The following NLRP1 variants were observed in gnomAD, a reference collection of about 807,000 sequenced individuals.
NLRP1 encodes NACHT, LRR and PYD domains-containing protein 1.
In NLRP1, 94 loss-of-function variants were observed where a neutral mutation model predicts 136.7. That is an observed-to-expected ratio of 0.69 (90% CI 0.58 to 0.82). NLRP1 has a LOEUF of 0.82. Ranked by LOEUF, NLRP1 falls within the 40% of genes least tolerant of loss-of-function variation. The probability of loss-of-function intolerance (pLI) is 0.00; values close to 1 mark genes in which losing one functional copy is unlikely to be tolerated. For synonymous variants in NLRP1, 690 were observed against 725.1 expected, an observed-to-expected ratio of 0.95 and a Z score of 0.78; for missense variants, 1,575 against 1,802.7, an observed-to-expected ratio of 0.87 and a Z score of 2.29.
At chr17:5,571,370 G>C (rs1020993123) in intron 3 of NLRP1, among the ~76,000 whole-genome samples, 31 of 152,304 alleles carry the variant, frequency 2.0e-4, no homozygotes, top group Admixed American at 1.7e-3. Flanking sequence ...CCTAGTCTCT[G>C]TCCCAAATCT....
In NLRP1 at chr17:5,560,031, CTT is replaced by C; in HGVS notation, c.663_664del (p.Lys226IlefsTer46). ...GCCTTTCTCTGATTTCTCTCTCTCT[CTT>C]TCTCTGATTTCTAAGTAAGGGAGGG... On this transcript the variant is annotated frameshift_variant, in exon 4 of 17. Coordinates refer to ENST00000572272, the MANE Select transcript of NLRP1 (RefSeq NM_033004.4). LOFTEE classifies it high-confidence loss of function. 1.9e-6 allele frequency: 3 copies of C among 1,557,708 alleles called. No individual in the cohort carries two copies. Among genetic ancestry groups the C allele is most frequent in the Non-Finnish European group, 2.6e-6 (3 of 1,156,124 alleles).
At chr17:5,569,576 G>A (rs115324739) in intron 3 of NLRP1, among the ~76,000 whole-genome samples, 2,702 of 152,212 alleles carry the variant, frequency 0.018, 75 homozygotes, top group African/African-American at 0.062. Context: ...AGACTTAACT[G>A]TCAGGAATAT....
In NLRP1 at chr17:5,537,014, TG is replaced by T; in HGVS notation, c.2871-75del. ...CCCAGGTCCCCAGGGCCCAGAATCC[TG>T]GGACCTGTCACCTTCTGAGGCAGCG... On this transcript the variant is annotated intron_variant, in intron 7 of 16. Transcript: ENST00000572272. The surrounding 1 kb of genome is among the most constrained non-coding windows in gnomAD (Gnocchi z 4.5). 3 of 1,077,626 alleles carry T rather than the reference TG, an allele frequency of 2.8e-6. No homozygotes were observed. Among genetic ancestry groups the T allele is most frequent in the Non-Finnish European group, 4.3e-6 (3 of 697,680 alleles). 66.8% of individuals were successfully genotyped at this position (1,077,626 alleles called of 1,614,324 possible).
chr17:5,521,483 T>C, intron 13 of NLRP1, 41 bp downstream of exon 13: 4 of 1,593,452 alleles, frequency 2.5e-6, no homozygotes, highest in Non-Finnish European at 3.4e-6. Flanking sequence ...GTGTTTACCG[T>C]CAACCCACCG....
rs200978321 is a variant in NLRP1, at chr17:5,582,746, C to G, written c.372G>C (p.Leu124Phe). ...CTGAGCCCTGGGTGCACCCCGCCGG[C>G]AATTCATGGATCCAGGGCATTAGCA... ...TAVLMPWIHE[L>F]PAGCTQGSER... The change falls in exon 2 of 17, where the codon TTG becomes TTC. Residue 124 changes from leucine to phenylalanine, a missense_variant. By Grantham distance (22) the Leu-to-Phe change is conservative. Coordinates refer to ENST00000572272, the MANE Select transcript of NLRP1 (RefSeq NM_033004.4). 28 of 1,614,022 alleles carry G rather than the reference C, an allele frequency of 1.7e-5. No individual in the cohort carries two copies. In the Admixed American group the frequency reaches 3.5e-4, roughly 20 times the overall value.
At chr17:5,568,979 C>A (rs940916936) in intron 3 of NLRP1, among the ~76,000 whole-genome samples, 1 of 152,074 alleles carries the variant, frequency 6.6e-6, no homozygotes, top group African/African-American at 2.4e-5. Flanking sequence ...TGGCCACCTA[C>A]CACTATGACT....
intron 15 of NLRP1, chr17:5,501,980 C>CA: frequency 2.1e-6 from 2 of 959,496 alleles, no homozygotes; most frequent in South Asian, 2.7e-5. Flanking sequence ...AAACTGCCAT[C>CA]AGAGAACTCC....
intron 4 of NLRP1, among the ~76,000 whole-genome samples, chr17:5,554,441 C>G (rs1043070270): frequency 2.6e-5 from 4 of 152,154 alleles, no homozygotes; most frequent in African/African-American, 9.7e-5. Flanking sequence ...CCTTGACATC[C>G]CAGTAATTCT....
chr17:5,514,984 C>G lies in NLRP1; in HGVS notation c.4192G>C (p.Val1398Leu). 4 of 1,614,204 alleles carry G rather than the reference C, an allele frequency of 2.5e-6. No individual in the cohort carries two copies. The highest frequency in any genetic ancestry group is 3.4e-6 in the Non-Finnish European group (4 of 1,180,026). ...TGTCCATGCAGTTTGTCCAAGACAACCTCCACCGATGTCACTCGGGCTATC... is the reference window on the plus strand; with the variant it reads ...TGTCCATGCAGTTTGTCCAAGACAAGCTCCACCGATGTCACTCGGGCTATC... ...QLIARVTSVE[V>L]VLDKLHGQVL... Residue 1398 changes from valine to leucine, a missense_variant, in exon 17 of 17, where the codon GTT becomes CTT. Physicochemically the swap from Val to Leu is conservative, Grantham distance 32. Transcript: ENST00000572272.
chr17:5,510,067 C>CTT (rs1352403172), downstream of NLRP1, among the ~76,000 whole-genome samples: 1 of 130,860 alleles, frequency 7.6e-6, no homozygotes, highest in African/African-American at 3.0e-5. Context: ...TTCTATTCTT[C>CTT]TTCTTCTTTT....
intron 4 of NLRP1, 115 bp from the exon 5 acceptor site, chr17:5,553,671 G>T: frequency 1.1e-6 from 1 of 905,560 alleles, no homozygotes; most frequent in Non-Finnish European, 1.7e-6. Flanking sequence ...GCCACAGCGG[G>T]TAGTGCCATC....
intron 3 of NLRP1, among the ~76,000 whole-genome samples, chr17:5,575,348 G>A (rs964388289): frequency 2.2e-4 from 34 of 152,256 alleles, no homozygotes; most frequent in African/African-American, 7.9e-4. Context: ...AAAGAGTCAA[G>A]ACCCATCAGT....
intron 3 of NLRP1, among the ~76,000 whole-genome samples, chr17:5,576,911 G>A (rs938183001): frequency 6.6e-6 from 1 of 152,072 alleles, no homozygotes; most frequent in Non-Finnish European, 1.5e-5. Context: ...AGCTTATCCA[G>A]CATGATCAAG....
chr17:5,581,084 T>C (rs1408713211), intron 3 of NLRP1, among the ~76,000 whole-genome samples: 4 of 152,338 alleles, frequency 2.6e-5, no homozygotes, highest in Admixed American at 6.5e-5. Context: ...ACAAGTTCAC[T>C]CCTTGCTGGG....
In NLRP1 at chr17:5,530,600, T is replaced by G. The variant is rs200029168; in HGVS notation, c.3401A>C (p.Gln1134Pro). 4.3e-5 allele frequency: 69 copies of G among 1,614,222 alleles called. 1 individual carries two copies. In the South Asian group the frequency reaches 6.9e-4, roughly 16 times the overall value. ...CTGTGGGTTGATCTCACCCAGGAACTGGTCCCACACACAGAATTCAATCTC... is the reference window on the plus strand; with the variant it reads ...CTGTGGGTTGATCTCACCCAGGAACGGGTCCCACACACAGAATTCAATCTC... ...TVEIEFCVWD[Q>P]FLGEINPQHS... Residue 1134 changes from glutamine (Q) to proline (P), a missense_variant, in exon 12 of 17, where the codon CAG becomes CCG. Physicochemically the swap from Gln to Pro is moderately conservative, Grantham distance 76. Coordinates refer to ENST00000572272, the MANE Select transcript of NLRP1 (RefSeq NM_033004.4).
intron 10 of NLRP1, 67 bp downstream of exon 10, chr17:5,533,237 C>G: frequency 6.5e-7 from 1 of 1,549,446 alleles, no homozygotes; most frequent in Non-Finnish European, 8.7e-7. Context: ...CCCAGCATGC[C>G]CAGGTGGGCA....
intron 14 of NLRP1, 41 bp from the exon 15 acceptor site, chr17:5,517,928 G>A (rs1908371048): frequency 1.2e-6 from 2 of 1,608,590 alleles, no homozygotes; most frequent in African/African-American, 2.7e-5. Flanking sequence ...TGTTCATCTT[G>A]CATGGAAGGT....
intron 3 of NLRP1, among the ~76,000 whole-genome samples, chr17:5,574,899 C>T (rs148273429): frequency 0.018 from 2,700 of 152,134 alleles, 75 homozygotes; most frequent in African/African-American, 0.062. Context: ...CTCCTGACCT[C>T]ATGGTCTGCC....
chr17:5,506,627 C>G (rs937089032), intron 15 of NLRP1, among the ~76,000 whole-genome samples: 4 of 152,024 alleles, frequency 2.6e-5, no homozygotes, highest in Non-Finnish European at 2.9e-5. Flanking sequence ...TGAGGTGGCT[C>G]CCGCCTGTAA....
Sources: allele counts gnomAD v4.1 joint callset (sites outside exome capture counted in the v4.1 genomes callset), GRCh38; gene constraint gnomAD v4.1.1; non-coding constraint Gnocchi (gnomAD v3.1); transcripts MANE v1.5; gene names NCBI Gene and HGNC (gene_info 2026-07-23, HGNC 2026-07-21).